The following TTLL11 variants were observed in gnomAD, a reference collection of about 807,000 sequenced individuals.
The protein encoded by TTLL11 is tubulin tyrosine ligase like 11.
Under a neutral mutation model 51.7 loss-of-function variants are expected in TTLL11, and 42 were observed. That is an observed-to-expected ratio of 0.81 (90% CI 0.64 to 1.05). The LOEUF is 1.05. Ranked by LOEUF, TTLL11 falls within the 50% of genes least tolerant of loss-of-function variation. The probability of loss-of-function intolerance (pLI) is 0.00; values close to 1 mark genes in which losing one functional copy is unlikely to be tolerated. For missense variants in TTLL11, 799 were observed against 940.4 expected, an observed-to-expected ratio of 0.85 and a Z score of 1.97; for synonymous variants, 381 against 383.5, an observed-to-expected ratio of 0.99 and a Z score of 0.08.
intron 2 of TTLL11, among the ~76,000 whole-genome samples, chr9:122,036,163 AT>A (rs1431774547): frequency 6.6e-6 from 1 of 151,780 alleles, no homozygotes; most frequent in Non-Finnish European, 1.5e-5. Flanking sequence ...CCTAGGCTGT[AT>A]TTTTCTTCTC....
intron 6 of TTLL11, among the ~76,000 whole-genome samples, chr9:121,927,218 A>G (rs1014016875): frequency 1.3e-5 from 2 of 152,270 alleles, no homozygotes; most frequent in African/African-American, 2.4e-5. Context: ...AAATAACAGT[A>G]GCACTGTTGT....
rs141715060 is a variant in TTLL11, at chr9:122,010,261, G to A, written c.694-20491C>T. Among the ~76,000 whole-genome samples the A allele has an allele frequency of 7.2e-3, 1,097 of 152,060 alleles. 16 individuals are homozygous for A. Among genetic ancestry groups the A allele is most frequent in the African/African-American group, 0.025 (1,049 of 41,496 alleles). The stretch of plus-strand genomic sequence containing the variant: ...ATTAAGTGAAAATGAAAACCATGTC[G>A]ACTCCCTCCCTTTATAAAAATGAGA... On this transcript the variant is annotated intron_variant, in intron 3 of 8. Transcript: ENST00000321582.
Position 122,054,524 on chromosome 9 carries a change from G to T in TTLL11, c.463-15156C>A, listed in dbSNP as rs553450982. ...AAAATTCCAGTTTATTTAGCAAATA[G>T]CTCTGAAAAGATTAGATACGAATTT... On this transcript the variant is annotated intron_variant, in intron 1 of 8. Coordinates refer to ENST00000321582, the MANE Select transcript of TTLL11 (RefSeq NM_001139442.2). Among the ~76,000 whole-genome samples, 75 of 152,250 alleles carry T rather than the reference G, an allele frequency of 4.9e-4. 1 individual carries two copies. The highest frequency in any genetic ancestry group is 8.5e-4 in the Non-Finnish European group (58 of 68,014).
At chr9:122,051,938 GA>G (rs1220465410) in intron 1 of TTLL11, among the ~76,000 whole-genome samples, 1 of 151,718 alleles carries the variant, frequency 6.6e-6, no homozygotes, top group African/African-American at 2.4e-5. Flanking sequence ...AATCATAAAA[GA>G]AAAAACATAG....
intron 1 of TTLL11, among the ~76,000 whole-genome samples, chr9:122,057,457 C>G (rs2131862392): frequency 6.6e-6 from 1 of 151,440 alleles, no homozygotes; most frequent in South Asian, 2.1e-4. Context: ...GAGTCAGTAA[C>G]TGGGATTACA....
chr9:122,060,536 G>A lies in TTLL11; in HGVS notation c.463-21168C>T, dbSNP rs559743538. Among the ~76,000 whole-genome samples, 3 of 152,266 alleles carry A rather than the reference G, an allele frequency of 2.0e-5. No individual in the cohort carries two copies. In the South Asian group the frequency reaches 6.2e-4, roughly 32 times the overall value. ...ACATCTGAGCTCCTTCCTCTAGCCC[G>A]TGCTGCCATATAGATCCAAAAGGAC... On this transcript the variant is annotated intron_variant, in intron 1 of 8. Coordinates refer to ENST00000321582, the MANE Select transcript of TTLL11 (RefSeq NM_001139442.2).
In TTLL11 at chr9:122,018,302, C is replaced by T. The variant is rs150950663; in HGVS notation, c.693+13421G>A. Among the ~76,000 whole-genome samples, 503 of 151,900 alleles carry T rather than the reference C, an allele frequency of 3.3e-3. 14 individuals carry two copies. In the East Asian group the frequency reaches 0.068, roughly 21 times the overall value. ...TAATTTTTTGTACTTTTAGTAGAGA[C>T]GAGGTTTCACCGTGTTAGCTAGGGT... On this transcript the variant is annotated intron_variant, in intron 3 of 8. Coordinates refer to ENST00000321582, the MANE Select transcript of TTLL11 (RefSeq NM_001139442.2).
At position 121,897,640 on chromosome 9, in the gene TTLL11, A is replaced by ACG. The variant is rs57592964; in HGVS notation, c.1482-26894_1482-26893dup. On this transcript the variant is annotated intron_variant, in intron 6 of 8. Transcript: ENST00000321582. ...CAGGCACACACACACACACACACAC[A>ACG]CGCGCGCGCGAAGTCTCCAACTGCC... Among the ~76,000 whole-genome samples the ACG allele has an allele frequency of 1.0e-3, 139 of 139,206 alleles. 1 individual carries two copies. The highest frequency in any genetic ancestry group is 3.8e-3 in the Middle Eastern group (1 of 264). The allele number at this position is 139,206 out of a possible 152,430, so 91.3% of individuals were successfully genotyped here.
intron 8 of TTLL11, among the ~76,000 whole-genome samples, chr9:121,830,571 AC>A (rs1265463165): frequency 6.6e-6 from 1 of 152,226 alleles, no homozygotes; most frequent in Non-Finnish European, 1.5e-5. Flanking sequence ...TTGAGAGCAA[AC>A]CCAACCAGTT....
At chr9:122,077,235 C>G (rs919103442) in intron 1 of TTLL11, among the ~76,000 whole-genome samples, 1 of 152,012 alleles carries the variant, frequency 6.6e-6, no homozygotes, top group Non-Finnish European at 1.5e-5. Flanking sequence ...GTGGGTAACT[C>G]AAAAGGACAC....
chr9:122,043,996 T>C (rs992913935), intron 1 of TTLL11, among the ~76,000 whole-genome samples: 10 of 152,226 alleles, frequency 6.6e-5, no homozygotes, highest in Admixed American at 2.6e-4. Flanking sequence ...CTCCTAATGC[T>C]ATCCCTTCCC....
At chr9:122,070,027 A>ACG (rs989270211) in intron 1 of TTLL11, among the ~76,000 whole-genome samples, 19 of 151,936 alleles carry the variant, frequency 1.3e-4, no homozygotes, top group South Asian at 4.2e-4. Context: ...ACACACACAC[A>ACG]CACACCAGAA....
At chr9:122,091,039 C>T (rs1223461190) in intron 1 of TTLL11, among the ~76,000 whole-genome samples, 1 of 152,180 alleles carries the variant, frequency 6.6e-6, no homozygotes, top group African/African-American at 2.4e-5. Flanking sequence ...GTTCCCAGGG[C>T]CCAGCAAAGA....
chr9:122,046,459 T>C (rs1022084623), intron 1 of TTLL11, among the ~76,000 whole-genome samples: 9 of 152,176 alleles, frequency 5.9e-5, no homozygotes, highest in African/African-American at 1.7e-4. Flanking sequence ...TAGTTCTTTA[T>C]AGCAAGAACA....
chr9:121,896,045 C>T (rs1446056076), intron 6 of TTLL11, among the ~76,000 whole-genome samples: 1 of 127,608 alleles, frequency 7.8e-6, no homozygotes, highest in Non-Finnish European at 1.7e-5. Flanking sequence ...TGGTTGTGTA[C>T]ATTTGTGTGG....
chr9:121,892,651 C>A (rs1839291916), intron 6 of TTLL11, among the ~76,000 whole-genome samples: 2 of 152,110 alleles, frequency 1.3e-5, no homozygotes, highest in South Asian at 4.1e-4. Flanking sequence ...TTCTGCAACC[C>A]AAACAGAAGA....
At chr9:122,017,638 T>C (rs1207071850) in intron 3 of TTLL11, among the ~76,000 whole-genome samples, 1 of 151,986 alleles carries the variant, frequency 6.6e-6, no homozygotes. Context: ...AATTTTTGTA[T>C]TTTTAGTAGA....
At chr9:121,920,634 G>A (rs1378560685) in intron 6 of TTLL11, among the ~76,000 whole-genome samples, 1 of 152,224 alleles carries the variant, frequency 6.6e-6, no homozygotes, top group East Asian at 1.9e-4. Context: ...TACCTGAAGA[G>A]ATGGCCACCT....
intron 1 of TTLL11, among the ~76,000 whole-genome samples, chr9:122,070,127 G>A (rs1845692219): frequency 6.6e-6 from 1 of 152,126 alleles, no homozygotes; most frequent in Non-Finnish European, 1.5e-5. Context: ...AACATATAGA[G>A]GGAGGGACAC....
Sources: allele counts gnomAD v4.1 joint callset (sites outside exome capture counted in the v4.1 genomes callset), GRCh38; gene constraint gnomAD v4.1.1; transcripts MANE v1.5; gene names NCBI Gene and HGNC (gene_info 2026-07-23, HGNC 2026-07-21).